TSPEAR: variants seen among roughly 807,000 people sequenced by gnomAD.
TSPEAR encodes thrombospondin-type laminin G domain and EAR repeat-containing protein.
Under a neutral mutation model 71.6 loss-of-function variants are expected in TSPEAR, and 69 were observed. That is an observed-to-expected ratio of 0.96 (90% CI 0.79 to 1.18). The LOEUF is 1.18. Ranked by LOEUF, TSPEAR falls within the 50% of genes most tolerant of loss-of-function variation. TSPEAR has a pLI of 0.00. For missense variants in TSPEAR, 971 were observed against 894.9 expected (o/e 1.09, Z -1.09); for synonymous variants, 402 against 387.2 (o/e 1.04, Z -0.45).
At chr21:44,538,011 G>GC (rs2053119820) in intron 2 of TSPEAR, among the ~76,000 whole-genome samples, 1 of 152,072 alleles carries the variant, frequency 6.6e-6, no homozygotes. Flanking sequence ...CGCAGACCCC[G>GC]CCCCCCAGGC....
rs1011636606 is a variant in TSPEAR, at chr21:44,506,623, G to A, written c.1755-1742C>T. 6.6e-6 allele frequency among the ~76,000 whole-genome samples: 1 copy of A among 152,240 alleles called. No homozygotes were observed. The highest frequency in any genetic ancestry group is 1.5e-5 in the Non-Finnish European group (1 of 68,038). ...TCTGGAGCCACCTCCATTAATGGTG[G>A]GTTATGATTTGGTTCCCATGCAGCC... On this transcript the variant is annotated intron_variant, in intron 10 of 11. Coordinates refer to ENST00000323084, the MANE Select transcript of TSPEAR (RefSeq NM_144991.3). This position sits in a 1 kb window ranked among gnomAD's most constrained non-coding sequence, Gnocchi z 4.2.
chr21:44,709,742 G>C (rs1477435129), intron 1 of TSPEAR, among the ~76,000 whole-genome samples: 1 of 152,262 alleles, frequency 6.6e-6, no homozygotes, highest in Non-Finnish European at 1.5e-5. Context: ...CGCTAAGGCG[G>C]AATCCCACAG....
rs139395652 is a variant in TSPEAR at position 44,519,090 on chromosome 21, G to A, written c.1566+2793C>T. 439 of 159,442 alleles carry A rather than the reference G, an allele frequency of 2.8e-3. 2 individuals carry two copies. Among genetic ancestry groups the A allele is most frequent in the African/African-American group, 9.0e-3 (374 of 41,692 alleles). 9.9% of individuals were successfully genotyped at this position (159,442 alleles called of 1,614,324 possible). ...GTCGCCCAGGCTGGAGTGCAGTGGC[G>A]TGATCTCGGCTCACTGCAAGCTCCG... On this transcript the variant is annotated intron_variant, in intron 9 of 11. Transcript: ENST00000323084.
intron 1 of TSPEAR, chr21:44,575,234 TCCATATCTCCCACC>T: frequency 1.7e-6 from 1 of 594,856 alleles, no homozygotes; most frequent in Non-Finnish European, 3.0e-6. Context: ...TGGCCTCCCC[TCCATATCTCCCACC>T]TCTCATGAGG....
chr21:44,556,045 CAG>C (rs1278982015), intron 2 of TSPEAR, among the ~76,000 whole-genome samples: 4 of 152,288 alleles, frequency 2.6e-5, no homozygotes, highest in Admixed American at 6.5e-5. Flanking sequence ...TTGTGAACAA[CAG>C]GGGAAGGTTA....
intron 1 of TSPEAR, chr21:44,627,260 C>G (rs375179678): frequency 1.2e-5 from 19 of 1,612,602 alleles, no homozygotes; most frequent in East Asian, 1.1e-4. Context: ...TGTGAGCCCC[C>G]CTGCTGCGCC....
intron 1 of TSPEAR, among the ~76,000 whole-genome samples, chr21:44,694,504 C>T (rs1555950169): frequency 1.3e-5 from 2 of 152,040 alleles, no homozygotes; most frequent in African/African-American, 4.8e-5. Context: ...GGTGGTTGCA[C>T]AGCACTGTGA....
intron 1 of TSPEAR, chr21:44,579,787 G>A (rs782299079): frequency 2.4e-5 from 38 of 1,608,214 alleles, no homozygotes; most frequent in South Asian, 1.2e-4. Flanking sequence ...GGGAGCACGC[G>A]GGGCGGCAGA....
At chr21:44,708,915 C>G (rs1555953029) in intron 1 of TSPEAR, among the ~76,000 whole-genome samples, 1 of 152,228 alleles carries the variant, frequency 6.6e-6, no homozygotes, top group Non-Finnish European at 1.5e-5. Flanking sequence ...GCTGAGCAAA[C>G]GTAGGGGGAA....
chr21:44,664,654 C>G (rs1985658159), intron 1 of TSPEAR, among the ~76,000 whole-genome samples: 1 of 152,234 alleles, frequency 6.6e-6, no homozygotes, highest in Non-Finnish European at 1.5e-5. Context: ...TAGCTGATTT[C>G]AAGACCTACT....
intron 1 of TSPEAR, among the ~76,000 whole-genome samples, chr21:44,585,252 G>A (rs1384102302): frequency 2.6e-5 from 4 of 152,156 alleles, no homozygotes; most frequent in African/African-American, 9.7e-5. Context: ...CTCCACCTTA[G>A]TAGAGGTTGG....
chr21:44,534,047 G>A (rs1297947338), intron 2 of TSPEAR, 124 bp from the exon 3 acceptor site: 14 of 711,100 alleles, frequency 2.0e-5, no homozygotes, highest in Non-Finnish European at 3.1e-5. Flanking sequence ...TGACTGGAGG[G>A]GCGAGGTGAG....
intron 2 of TSPEAR, among the ~76,000 whole-genome samples, chr21:44,563,064 C>A (rs2146061295): frequency 6.6e-6 from 1 of 152,114 alleles, no homozygotes; most frequent in East Asian, 1.9e-4. Context: ...ATATAGAAAT[C>A]TAATATATTT....
At chr21:44,524,412 TAGTC>T (rs1255789242) in intron 8 of TSPEAR, among the ~76,000 whole-genome samples, 24 of 150,974 alleles carry the variant, frequency 1.6e-4, no homozygotes, top group Admixed American at 1.3e-3. Context: ...GGTAATTAGG[TAGTC>T]AGTCAGGCAG....
intron 1 of TSPEAR, chr21:44,579,352 C>G (rs1402395572): frequency 1.3e-5 from 3 of 238,654 alleles, no homozygotes; most frequent in East Asian, 1.9e-4. Context: ...CACTGTCCCC[C>G]GTGACTTCTA....
At chr21:44,656,522 T>A (rs1315966082) in intron 1 of TSPEAR, among the ~76,000 whole-genome samples, 1 of 152,252 alleles carries the variant, frequency 6.6e-6, no homozygotes, top group African/African-American at 2.4e-5. Flanking sequence ...CTGTTTTTGC[T>A]GAGAAGTGAG....
intron 1 of TSPEAR, chr21:44,627,319 G>A (rs1555934596): frequency 3.1e-6 from 5 of 1,612,840 alleles, no homozygotes; most frequent in East Asian, 4.5e-5. Flanking sequence ...CTGCACCCCA[G>A]TGAGCCGTGT....
At chr21:44,580,147 G>A in intron 1 of TSPEAR, 1 of 1,613,758 alleles carries the variant, frequency 6.2e-7, no homozygotes, top group Non-Finnish European at 8.5e-7. Flanking sequence ...CCTCAGAACA[G>A]GTGGGCACAC....
At chr21:44,601,339 G>A in intron 1 of TSPEAR, 1 of 1,612,336 alleles carries the variant, frequency 6.2e-7, no homozygotes. Flanking sequence ...CGTCTGCTGT[G>A]TGCCCACCTG....
Sources: gnomAD v4.1 joint callset for allele counts (sites outside exome capture counted in the v4.1 genomes callset) on GRCh38, gnomAD v4.1.1 for gene constraint, Gnocchi (gnomAD v3.1) non-coding constraint, MANE v1.5 for transcripts, NCBI Gene and HGNC (gene_info 2026-07-23, HGNC 2026-07-21) for gene names.